NELL1: variants seen among roughly 807,000 people sequenced by gnomAD.
NELL1 encodes neural EGFL like 1.
A neutral mutation model predicts 107.4 loss-of-function variants in NELL1; 76 were observed. That is an observed-to-expected ratio of 0.71 (90% CI 0.59 to 0.86). NELL1 has a LOEUF of 0.86. NELL1 is among the 40% of genes least tolerant of loss of function. The pLI is 0.00. For synonymous variants in NELL1, 353 were observed against 341.2 expected (o/e 1.03, Z -0.38); for missense variants, 1,024 against 1,005.5 (o/e 1.02, Z -0.25).
At chr11:20,829,710 T>A (rs1385622497) in intron 3 of NELL1, among the ~76,000 whole-genome samples, 1 of 152,154 alleles carries the variant, frequency 6.6e-6, no homozygotes, top group Non-Finnish European at 1.5e-5. Context: ...ACTTTGACAC[T>A]TTTGAAGAGT....
chr11:21,400,469 C>T (rs1033927900), intron 15 of NELL1, among the ~76,000 whole-genome samples: 4 of 151,814 alleles, frequency 2.6e-5, no homozygotes, highest in Admixed American at 1.3e-4. Flanking sequence ...TACATTTATT[C>T]CCATTTAACT....
chr11:21,565,032 G>A (rs1389764125), intron 17 of NELL1, among the ~76,000 whole-genome samples: 1 of 151,940 alleles, frequency 6.6e-6, no homozygotes, highest in East Asian at 1.9e-4. Flanking sequence ...AGAAGCCAGG[G>A]AACAGTCTGG....
At chr11:20,694,612 C>A (rs574609764) in intron 2 of NELL1, among the ~76,000 whole-genome samples, 1 of 152,138 alleles carries the variant, frequency 6.6e-6, no homozygotes, top group East Asian at 1.9e-4. Context: ...CTATTCTGTT[C>A]TATTGGTCTA....
chr11:20,963,804 C>G (rs1376741260), intron 12 of NELL1, among the ~76,000 whole-genome samples: 1 of 152,138 alleles, frequency 6.6e-6, no homozygotes, highest in Non-Finnish European at 1.5e-5. Flanking sequence ...CCACAGTGAA[C>G]AAGACTGGCT....
intron 12 of NELL1, among the ~76,000 whole-genome samples, chr11:21,004,492 T>A (rs1852289170): frequency 6.6e-6 from 1 of 152,268 alleles, no homozygotes; most frequent in Admixed American, 6.5e-5. Context: ...TATTTAATGT[T>A]ATCTAATGAG....
At chr11:20,907,788 G>A (rs573812339) in intron 5 of NELL1, among the ~76,000 whole-genome samples, 2 of 152,218 alleles carry the variant, frequency 1.3e-5, no homozygotes, top group African/African-American at 4.8e-5. Context: ...AACAGAGTGG[G>A]AGAAAATTTT....
chr11:20,736,986 C>T (rs554625021), intron 2 of NELL1, among the ~76,000 whole-genome samples: 328 of 152,202 alleles, frequency 2.2e-3, no homozygotes, highest in African/African-American at 7.3e-3. Flanking sequence ...AACTCCTGAC[C>T]TCATGATCTG....
At chr11:21,089,440 C>T (rs1854472236) in intron 12 of NELL1, among the ~76,000 whole-genome samples, 1 of 152,186 alleles carries the variant, frequency 6.6e-6, no homozygotes, top group Non-Finnish European at 1.5e-5. Flanking sequence ...TGCATGTCTT[C>T]TCTCTTTGAA....
chr11:21,470,930 G>A lies in NELL1; in HGVS notation c.1646-63444G>A, dbSNP rs973145292. Among the ~76,000 whole-genome samples the A allele has an allele frequency of 1.6e-4, 24 of 151,884 alleles. 1 individual carries two copies. The highest frequency in any genetic ancestry group is 1.6e-3 in the Admixed American group (24 of 15,236). On this transcript the variant is annotated intron_variant, in intron 15 of 19. Transcript: ENST00000357134. ...AGTGGTATCTTCACCATGGTTGTTGGGTAAACACAACAATGGATATAAAAT... is the reference window on the plus strand; with the variant it reads ...AGTGGTATCTTCACCATGGTTGTTGAGTAAACACAACAATGGATATAAAAT...
chr11:20,735,718 A>G (rs1433846847), intron 2 of NELL1, among the ~76,000 whole-genome samples: 1 of 152,246 alleles, frequency 6.6e-6, no homozygotes, highest in Non-Finnish European at 1.5e-5. Flanking sequence ...AAAGGATGGT[A>G]AAGAAACAGA....
At chr11:21,130,617 T>C (rs1855594078) in intron 13 of NELL1, among the ~76,000 whole-genome samples, 1 of 152,220 alleles carries the variant, frequency 6.6e-6, no homozygotes, top group Non-Finnish European at 1.5e-5. Flanking sequence ...TTTTTTTCTT[T>C]CTTGTTACAT....
intron 13 of NELL1, among the ~76,000 whole-genome samples, chr11:21,212,777 A>C (rs1857527709): frequency 6.6e-6 from 1 of 152,198 alleles, no homozygotes. Context: ...GAAAGACTGA[A>C]TGCTTTTCTC....
intron 12 of NELL1, among the ~76,000 whole-genome samples, chr11:21,017,580 C>T (rs1215277659): frequency 6.6e-6 from 1 of 152,038 alleles, no homozygotes; most frequent in African/African-American, 2.4e-5. Flanking sequence ...ATGGTACCGG[C>T]TTCAGAGAAT....
chr11:21,032,360 A>C (rs1420374348), intron 12 of NELL1, among the ~76,000 whole-genome samples: 3 of 151,930 alleles, frequency 2.0e-5, no homozygotes, highest in Non-Finnish European at 4.4e-5. Context: ...TGTTTTCCTT[A>C]TAGACTTTAT....
intron 13 of NELL1, among the ~76,000 whole-genome samples, chr11:21,227,355 A>G (rs952585303): frequency 6.6e-6 from 1 of 152,144 alleles, no homozygotes; most frequent in African/African-American, 2.4e-5. Context: ...TTCCTTTTGT[A>G]TGATAAAATA....
chr11:20,880,593 G>A (rs746968521), intron 4 of NELL1, among the ~76,000 whole-genome samples: 4 of 152,272 alleles, frequency 2.6e-5, no homozygotes, highest in Non-Finnish European at 4.4e-5. Context: ...ATACTTCTTG[G>A]CTTTGTGGGC....
At chr11:21,254,671 G>A (rs770028059) in intron 14 of NELL1, among the ~76,000 whole-genome samples, 17 of 152,028 alleles carry the variant, frequency 1.1e-4, no homozygotes, top group Admixed American at 9.2e-4. Flanking sequence ...AGTCCTTGGC[G>A]GTTCAGGTGG....
intron 12 of NELL1, among the ~76,000 whole-genome samples, chr11:20,966,081 C>G (rs1300726936): frequency 6.6e-6 from 1 of 152,124 alleles, no homozygotes. Context: ...TCCTAAAGCT[C>G]TACTTTAGAC....
intron 12 of NELL1, among the ~76,000 whole-genome samples, chr11:21,076,007 A>G (rs75133200): frequency 0.025 from 3,796 of 152,340 alleles, 103 homozygotes; most frequent in South Asian, 0.16. Flanking sequence ...ATAAACACAT[A>G]CAAACACATA....
Sources: allele counts gnomAD v4.1 joint callset (sites outside exome capture counted in the v4.1 genomes callset), GRCh38; gene constraint gnomAD v4.1.1; transcripts MANE v1.5; gene names NCBI Gene and HGNC (gene_info 2026-07-23, HGNC 2026-07-21).